The following AFG2A variants were observed in gnomAD, a reference collection of about 807,000 sequenced individuals.
AFG2A encodes ATPase family gene 2 protein homolog A.
At chr4:123,015,262 G>A in the AFG2A span, among the ~76,000 whole-genome samples, 591 of 148,926 alleles carry the variant, frequency 4.0e-3, 4 homozygotes, top group Non-Finnish European at 5.0e-3. Flanking sequence ...TAGGACAATA[G>A]TGGAGGGAGG....
the AFG2A span, among the ~76,000 whole-genome samples, chr4:123,209,384 A>G: frequency 6.6e-6 from 1 of 152,186 alleles, no homozygotes; most frequent in East Asian, 1.9e-4. Flanking sequence ...AGTCTTCTGT[A>G]TTGATTGCTG....
chr4:122,991,212 T>G, the AFG2A span, among the ~76,000 whole-genome samples: 1 of 152,208 alleles, frequency 6.6e-6, no homozygotes, highest in African/African-American at 2.4e-5. Context: ...AATCAGTTTT[T>G]GCAGGCTTTA....
At chr4:123,135,471 AT>A in the AFG2A span, among the ~76,000 whole-genome samples, 2 of 152,234 alleles carry the variant, frequency 1.3e-5, no homozygotes, top group Non-Finnish European at 2.9e-5. Context: ...AAGTGAAATT[AT>A]CTTTGTTTGC....
chr4:123,126,831 T>C, the AFG2A span, among the ~76,000 whole-genome samples: 2 of 152,198 alleles, frequency 1.3e-5, no homozygotes, highest in African/African-American at 4.8e-5. Flanking sequence ...TATGTCTTTA[T>C]TAGCAGCATG....
At chr4:122,966,713 C>T in the AFG2A span, among the ~76,000 whole-genome samples, 1 of 152,118 alleles carries the variant, frequency 6.6e-6, no homozygotes, top group Admixed American at 6.5e-5. Context: ...GTTCGATGTT[C>T]CTGACGTGTT....
the AFG2A span, among the ~76,000 whole-genome samples, chr4:123,200,506 G>T: frequency 6.6e-6 from 1 of 152,138 alleles, no homozygotes; most frequent in African/African-American, 2.4e-5. Context: ...GATGGCATAC[G>T]CAATCTGTTA....
chr4:122,934,456 C>T, the AFG2A span: 2 of 1,614,160 alleles, frequency 1.2e-6, no homozygotes, highest in African/African-American at 2.7e-5. Flanking sequence ...AGTCACAGGT[C>T]TTAAATGTAA....
the AFG2A span, among the ~76,000 whole-genome samples, chr4:122,981,314 C>T: frequency 0.89 from 136,029 of 152,146 alleles, 61,230 homozygotes; most frequent in East Asian, 0.96. Flanking sequence ...GGTACCTTTG[C>T]AGATCAATTG....
chr4:123,070,015 A>G, the AFG2A span, among the ~76,000 whole-genome samples: 1 of 152,130 alleles, frequency 6.6e-6, no homozygotes, highest in Non-Finnish European at 1.5e-5. Flanking sequence ...AGGAAATTTG[A>G]TACTTTGAAC....
the AFG2A span, chr4:123,318,073 C>T: frequency 1.3e-5 from 2 of 152,090 alleles, no homozygotes; most frequent in Non-Finnish European, 2.9e-5. Flanking sequence ...AAAGATGGGC[C>T]TTAAACCAAT....
At chr4:123,163,531 A>G in the AFG2A span, among the ~76,000 whole-genome samples, 1 of 152,184 alleles carries the variant, frequency 6.6e-6, no homozygotes, top group South Asian at 2.1e-4. Flanking sequence ...TTTTGTTTTT[A>G]GGATAGTCTG....
the AFG2A span, among the ~76,000 whole-genome samples, chr4:123,258,398 C>T: frequency 6.6e-6 from 1 of 152,208 alleles, no homozygotes; most frequent in African/African-American, 2.4e-5. Context: ...ATTTCTCTCT[C>T]TCTGTTTCTC....
chr4:122,927,515 G>A, the AFG2A span: 2 of 980,778 alleles, frequency 2.0e-6, no homozygotes, highest in Non-Finnish European at 2.9e-6. Context: ...GTTTCTCCAG[G>A]GTATGGTAAG....
chr4:122,970,686 A>G, the AFG2A span, among the ~76,000 whole-genome samples: 2 of 151,788 alleles, frequency 1.3e-5, no homozygotes, highest in East Asian at 2.0e-4. Context: ...AGGCTATACC[A>G]TATAGCCTAG....
the AFG2A span, among the ~76,000 whole-genome samples, chr4:123,215,757 T>A: frequency 6.6e-6 from 1 of 152,106 alleles, no homozygotes; most frequent in South Asian, 2.1e-4. Context: ...CTAGGGATAT[T>A]TATTGCCTGA....
the AFG2A span, among the ~76,000 whole-genome samples, chr4:123,205,547 T>C: frequency 6.6e-6 from 1 of 152,174 alleles, no homozygotes. Flanking sequence ...GGCATTTACA[T>C]TGTGTTAGCT....
At chr4:123,211,594 T>C in the AFG2A span, among the ~76,000 whole-genome samples, 1 of 152,170 alleles carries the variant, frequency 6.6e-6, no homozygotes, top group Non-Finnish European at 1.5e-5. Flanking sequence ...ATGATTGAAA[T>C]CTTTTAAAAC....
chr4:123,229,041 G>A, the AFG2A span, among the ~76,000 whole-genome samples: 5 of 151,918 alleles, frequency 3.3e-5, no homozygotes, highest in South Asian at 1.0e-3. Flanking sequence ...GTAATTCTAG[G>A]TACTTCTGAG....
chr4:123,233,047 A>C, the AFG2A span, among the ~76,000 whole-genome samples: 3 of 152,044 alleles, frequency 2.0e-5, no homozygotes, highest in African/African-American at 7.2e-5. Context: ...CTTGACTTCA[A>C]ATCATTAAAG....
Sources: gnomAD v4.1 joint callset for allele counts (sites outside exome capture counted in the v4.1 genomes callset) on GRCh38, gnomAD v4.1.1 for gene constraint, MANE v1.5 for transcripts, NCBI Gene and HGNC (gene_info 2026-07-23, HGNC 2026-07-21) for gene names.